The following LTBP2 variants were observed in gnomAD, a reference collection of about 807,000 sequenced individuals.
The protein encoded by LTBP2 is latent transforming growth factor beta binding protein 2, also known as latent-transforming growth factor beta-binding protein 2.
A neutral mutation model predicts 210.6 loss-of-function variants in LTBP2; 103 were observed. The ratio of observed to expected loss-of-function variants is 0.49; its 90% CI spans 0.42 to 0.58. The LOEUF (loss-of-function observed/expected upper bound fraction) is 0.58, where lower values mean the gene tolerates loss of function less well. Ranked by LOEUF, LTBP2 falls within the 20% of genes least tolerant of loss-of-function variation. LTBP2 has a pLI of 0.00. For missense variants in LTBP2, 2,313 were observed against 2,494.5 expected, an observed-to-expected ratio of 0.93 and a Z score of 1.55; for synonymous variants, 1,007 against 1,015.0, an observed-to-expected ratio of 0.99 and a Z score of 0.15.
At position 74,509,354 on chromosome 14, in the gene LTBP2, T is replaced by A; in HGVS notation, c.3287A>T (p.Glu1096Val). 8.7e-6 allele frequency: 14 copies of A among 1,613,276 alleles called. No individual in the cohort carries two copies. Among genetic ancestry groups the A allele is most frequent in the Non-Finnish European group, 1.2e-5 (14 of 1,179,938 alleles). Residue 1096 changes from glutamate to valine, a missense_variant, in exon 22 of 36, where the codon GAG (glutamate) becomes GTG (valine). Physicochemically the swap from Glu to Val is moderately radical, Grantham distance 121 (BLOSUM62 -2). This residue lies in a region of LTBP2 where 1,867 missense variants were observed against 1,976.9 expected (regional missense o/e 0.94). Coordinates refer to ENST00000261978, the MANE Select transcript of LTBP2 (RefSeq NM_000428.3). ...EDGTACEDLD[E>V]CAFPGVCPSG... ...GGGGCAGACTCCCGGGAAGGCACAC[T>A]CATCTAGGTCTGCAGACAGACAGCG...
chr14:74,511,177 G>T, intron 19 of LTBP2, 68 bp downstream of exon 19: 2 of 1,609,298 alleles, frequency 1.2e-6, no homozygotes, highest in Non-Finnish European at 1.7e-6. Flanking sequence ...TTCCCTTTCC[G>T]TGTGTGGGCT....
intron 25 of LTBP2, 87 bp from the exon 26 acceptor site, chr14:74,507,397 G>C: frequency 6.3e-7 from 1 of 1,579,188 alleles, no homozygotes; most frequent in East Asian, 2.2e-5. Context: ...CAACCTCTGG[G>C]GTTCTTGATC....
chr14:74,589,573 C>T (rs553367063), intron 2 of LTBP2, among the ~76,000 whole-genome samples: 155 of 152,208 alleles, frequency 1.0e-3, no homozygotes, highest in Non-Finnish European at 1.9e-3. Flanking sequence ...TAACCCAGAG[C>T]ACTTCCCCAA....
chr14:74,600,096 G>T (rs1316715472), intron 2 of LTBP2, among the ~76,000 whole-genome samples: 1 of 152,204 alleles, frequency 6.6e-6, no homozygotes, highest in Non-Finnish European at 1.5e-5. Context: ...GACGGGGTGT[G>T]GAGCCAAGAG....
Position 74,516,900 on chromosome 14 carries a change from GC to G in LTBP2, c.2829del (p.Gln944SerfsTer66). On this transcript the variant is annotated frameshift_variant, in exon 18 of 36. Coordinates refer to ENST00000261978, the MANE Select transcript of LTBP2 (RefSeq NM_000428.3). LOFTEE classifies it high-confidence loss of function. ...ECEQPGVCSG[G>X]QCTNTEGSYH... ...TACGAGCCCTCGGTGTTGGTGCACT[GC>G]CCCCCGCTGCACACCCCTGGCTGCT... is the stretch of plus-strand genomic sequence containing the variant. 1.3e-6 allele frequency: 2 copies of G among 1,551,856 alleles called. No homozygotes were observed.
intron 3 of LTBP2, among the ~76,000 whole-genome samples, chr14:74,581,137 C>A (rs1435050211): frequency 1.3e-5 from 2 of 152,130 alleles, no homozygotes; most frequent in Non-Finnish European, 2.9e-5. Flanking sequence ...GGCTTTGGGG[C>A]CAGATCACAT....
At chr14:74,578,382 C>T (rs2088089770) in intron 3 of LTBP2, among the ~76,000 whole-genome samples, 1 of 152,186 alleles carries the variant, frequency 6.6e-6, no homozygotes, top group African/African-American at 2.4e-5. Context: ...ATTCATTTTC[C>T]CACATCAAGG....
chr14:74,514,401 G>A (rs2087109192), intron 18 of LTBP2, among the ~76,000 whole-genome samples: 1 of 152,290 alleles, frequency 6.6e-6, no homozygotes, highest in South Asian at 2.1e-4. Context: ...GGCTGCTGAA[G>A]AGACCCCAAA....
intron 3 of LTBP2, among the ~76,000 whole-genome samples, chr14:74,557,829 C>A (rs1157839573): frequency 6.6e-6 from 1 of 152,152 alleles, no homozygotes; most frequent in African/African-American, 2.4e-5. Context: ...TAAATGGGGA[C>A]ACCAGGATGC....
rs1044748902 is a variant in LTBP2 at position 74,504,119 on chromosome 14, G to T, written c.4454-65C>A. ...CAGTATGAGGGGTACCTAGAGCAGGGAATCCAAAGCCAGGCTGGGTTTGAA... is the reference window on the plus strand; with the variant it reads ...CAGTATGAGGGGTACCTAGAGCAGGTAATCCAAAGCCAGGCTGGGTTTGAA... On this transcript the variant is annotated intron_variant, in intron 30 of 35. Transcript: ENST00000261978. 7.5e-6 allele frequency: 12 copies of T among 1,590,360 alleles called. No individual in the cohort carries two copies. The South Asian group carries it at 9.1e-5, about 12-fold the overall frequency.
In LTBP2 at chr14:74,551,350, G is replaced by T. The variant is rs1256293107; in HGVS notation, c.1400C>A (p.Ala467Asp). 3 of 1,564,410 alleles carry T rather than the reference G, an allele frequency of 1.9e-6. No individual in the cohort carries two copies. Among genetic ancestry groups the T allele is most frequent in the South Asian group, 1.2e-5 (1 of 82,490 alleles). ...CTTCACCAGGGAGGGGTTCACGGAG[G>T]CTGGGCACAGGGGCTAGAGTCAGAG... Reference protein sequence around the residue: ...TFTLPLSNQLASVNPSLVKVH... With the variant: ...TFTLPLSNQLDSVNPSLVKVH... Residue 467 changes from alanine (A) to aspartate (D), a missense_variant and splice_region_variant, in exon 7 of 36, where the codon GCC becomes GAC. Ala to Asp is a moderately radical substitution (Grantham distance 126). This residue lies in a region of LTBP2 where 1,867 missense variants were observed against 1,976.9 expected (regional missense o/e 0.94). Coordinates refer to ENST00000261978, the MANE Select transcript of LTBP2 (RefSeq NM_000428.3).
At chr14:74,553,103 G>A (rs2087683324) in intron 4 of LTBP2, 41 bp from the exon 5 acceptor site, 1 of 1,599,882 alleles carries the variant, frequency 6.3e-7, no homozygotes, top group Non-Finnish European at 8.6e-7. Flanking sequence ...AGGGCTGAGA[G>A]GCACAGCTGT....
At chr14:74,603,416 C>T (rs1035368753) in intron 2 of LTBP2, among the ~76,000 whole-genome samples, 9 of 152,154 alleles carry the variant, frequency 5.9e-5, no homozygotes, top group Admixed American at 3.3e-4. Context: ...CATGAGCCAC[C>T]GCTCCCGGCC....
At chr14:74,525,695 C>A (rs1245270362) in intron 14 of LTBP2, among the ~76,000 whole-genome samples, 1 of 152,310 alleles carries the variant, frequency 6.6e-6, no homozygotes, top group East Asian at 1.9e-4. Flanking sequence ...AATGTCTGAA[C>A]CCAACACCAG....
At chr14:74,566,317 C>T (rs118124703) in intron 3 of LTBP2, among the ~76,000 whole-genome samples, 1 of 152,206 alleles carries the variant, frequency 6.6e-6, no homozygotes, top group Non-Finnish European at 1.5e-5. Context: ...CTGAAGGCAT[C>T]TGGAAGGGAG....
At chr14:74,512,086 G>A (rs907147965) in intron 18 of LTBP2, among the ~76,000 whole-genome samples, 20 of 152,182 alleles carry the variant, frequency 1.3e-4, no homozygotes, top group African/African-American at 3.9e-4. Flanking sequence ...ACAGGAAGAG[G>A]AGGGAGCTAG....
At position 74,586,068 on chromosome 14, in the gene LTBP2, G is replaced by A. The variant is rs1484157229; in HGVS notation, c.616C>T (p.Leu206Phe). The A allele has an allele frequency of 1.9e-6, 3 of 1,599,668 alleles. No homozygotes were observed. Among genetic ancestry groups the A allele is most frequent in the Non-Finnish European group, 2.6e-6 (3 of 1,173,678 alleles). The change falls in exon 3 of 36, where the codon CTC becomes TTC. Residue 206 changes from leucine to phenylalanine, a missense_variant. This residue lies in a region of LTBP2 where 1,867 missense variants were observed against 1,976.9 expected (regional missense o/e 0.94). Coordinates refer to ENST00000261978, the MANE Select transcript of LTBP2 (RefSeq NM_000428.3). This position sits in a 1 kb window ranked among gnomAD's most constrained non-coding sequence, Gnocchi z 4.6. ...CGGAAACCAGAGCGGCAGACACAGA[G>A]CTGCGGGCGGCTGCAGGAGCCCCGG... is the stretch of plus-strand genomic sequence containing the variant. ...QNRGSCSRPQ[L>F]CVCRSGFRGA...
At chr14:74,565,220 CA>C (rs1463289140) in intron 3 of LTBP2, among the ~76,000 whole-genome samples, 1 of 152,190 alleles carries the variant, frequency 6.6e-6, no homozygotes, top group African/African-American at 2.4e-5. Flanking sequence ...CCCTAAGCTC[CA>C]ATGCGGGGTG....
chr14:74,585,344 G>T (rs1448803746), intron 3 of LTBP2, among the ~76,000 whole-genome samples: 3 of 152,216 alleles, frequency 2.0e-5, no homozygotes, highest in African/African-American at 7.2e-5. Flanking sequence ...GGTCAGGATG[G>T]GGTGTGGGAG....
Sources: allele counts gnomAD v4.1 joint callset (sites outside exome capture counted in the v4.1 genomes callset), GRCh38; gene constraint gnomAD v4.1.1; regional missense constraint gnomAD v4.1.1; non-coding constraint Gnocchi (gnomAD v3.1); transcripts MANE v1.5; gene names NCBI Gene and HGNC (gene_info 2026-07-23, HGNC 2026-07-21).